CLEC4F: variants seen among roughly 807,000 people sequenced by gnomAD.
The protein encoded by CLEC4F is C-type lectin domain family 4 member F, also known as C-type (calcium dependent, carbohydrate-recognition domain) lectin, superfamily member 13.
In CLEC4F, 45 loss-of-function variants were observed where a neutral mutation model predicts 53.4. That is an observed-to-expected ratio of 0.84 (90% CI 0.66 to 1.08). The LOEUF is 1.08. Among genes scored for constraint, CLEC4F ranks in the 50% least tolerant of loss-of-function variants. The pLI is 0.00. For missense variants in CLEC4F, 753 were observed against 698.2 expected (o/e 1.08, Z -0.88); for synonymous variants, 245 against 257.5 (o/e 0.95, Z 0.46).
At chr2:70,817,706 C>T (rs1239911810) in intron 3 of CLEC4F, among the ~76,000 whole-genome samples, 3 of 152,064 alleles carry the variant, frequency 2.0e-5, no homozygotes, top group Admixed American at 2.0e-4. Context: ...AATAGGTGTG[C>T]TGGGAGGAAG....
chr2:70,816,807 C>T lies in CLEC4F; in HGVS notation c.574G>A (p.Ala192Thr). 6.2e-7 allele frequency: 1 copy of T among 1,614,182 alleles called. No homozygotes were observed. The highest frequency in any genetic ancestry group is 8.5e-7 in the Non-Finnish European group (1 of 1,180,038). ...RLKEDLEKAD[A>T]LTFQTLNFLK... The stretch of plus-strand genomic sequence containing the variant: ...AAATTCAGCGTCTGGAAAGTTAAAG[C>T]ATCTGCCTTTTCAAGGTCTTCCTTG... Residue 192 changes from alanine (A) to threonine (T), a missense_variant, in exon 4 of 7, where the codon GCT becomes ACT. Physicochemically the swap from Ala to Thr is moderately conservative, Grantham distance 58. Coordinates refer to ENST00000272367, the MANE Select transcript of CLEC4F (RefSeq NM_173535.3).
At chr2:70,809,939 T>A in intron 5 of CLEC4F, 82 bp from the exon 6 acceptor site, 1 of 829,548 alleles carries the variant, frequency 1.2e-6, no homozygotes, top group East Asian at 2.4e-5. Flanking sequence ...TGCTTATAGA[T>A]ATACACATAA....
Position 70,816,622 on chromosome 2 carries a change from C to G in CLEC4F, c.759G>C (p.Glu253Asp). The part of the protein sequence containing the change: ...ANSSLKNANA[E>D]IYVLRGHLDS... ...CTAGATGGCCTCTCAAAACATAGAT[C>G]TCAGCATTAGCGTTCTTTAAACTGC... Residue 253 changes from glutamate to aspartate, a missense_variant, in exon 4 of 7, where the codon GAG (glutamate) becomes GAC (aspartate). Physicochemically the swap from Glu to Asp is conservative, Grantham distance 45. Coordinates refer to ENST00000272367, the MANE Select transcript of CLEC4F (RefSeq NM_173535.3). 4 of 1,614,102 alleles carry G rather than the reference C, an allele frequency of 2.5e-6. No individual in the cohort carries two copies. The highest frequency in any genetic ancestry group is 3.4e-6 in the Non-Finnish European group (4 of 1,180,036).
At chr2:70,819,500 T>A in intron 2 of CLEC4F, 56 bp from the exon 3 acceptor site, 1 of 1,497,610 alleles carries the variant, frequency 6.7e-7, no homozygotes, top group Non-Finnish European at 9.3e-7. Flanking sequence ...CCTGGGAGGA[T>A]ACGCTGTCCC....
At chr2:70,824,801 G>A (rs142391589), upstream of CLEC4F, among the ~76,000 whole-genome samples, 549 of 152,250 alleles carry the variant, frequency 3.6e-3, 4 homozygotes, top group African/African-American at 0.013. Context: ...AGTCCATACT[G>A]ACATAAATGA....
At position 70,809,195 on chromosome 2, in the gene CLEC4F, C is replaced by A. The variant is rs1553393443; in HGVS notation, c.*76G>T. 6.4e-7 allele frequency: 1 copy of A among 1,572,992 alleles called. No individual in the cohort carries two copies. The highest frequency in any genetic ancestry group is 2.3e-5 in the East Asian group (1 of 43,360). On this transcript the variant is annotated 3_prime_UTR_variant, in exon 7 of 7. Coordinates refer to ENST00000272367, the MANE Select transcript of CLEC4F (RefSeq NM_173535.3). ...GGGAGCTGACTTGAGATGGGTCCTT[C>A]ATCCCCTAGTGGCCCTAGGATGAGG...
In CLEC4F at chr2:70,816,617, T is replaced by C. The variant is rs1553396111; in HGVS notation, c.764A>G (p.Tyr255Cys). The C allele has an allele frequency of 1.9e-6, 3 of 1,614,058 alleles. No individual in the cohort carries two copies. Among genetic ancestry groups the C allele is most frequent in the South Asian group, 1.1e-5 (1 of 91,084 alleles). Residue 255 changes from tyrosine (Y) to cysteine (C), a missense_variant, in exon 4 of 7, where the codon TAT becomes TGT. Transcript: ENST00000272367. ...SSLKNANAEI[Y>C]VLRGHLDSVN... ...ACTATCTAGATGGCCTCTCAAAACA[T>C]AGATCTCAGCATTAGCGTTCTTTAA...
At position 70,809,351 on chromosome 2, in the gene CLEC4F, T is replaced by G; in HGVS notation, c.1690A>C (p.Lys564Gln). The change falls in exon 7 of 7, where the codon AAG becomes CAG. Residue 564 changes from lysine to glutamine, a missense_variant. Coordinates refer to ENST00000272367, the MANE Select transcript of CLEC4F (RefSeq NM_173535.3). ...ATCCCAGAATTCACAATAATATACT[T>G]TCTGAGTGGGCAGGATCCCTTGGAA... The part of the protein sequence containing the change: ...PGSKGSCPLR[K>Q]YIIVNSGMGA... The G allele has an allele frequency of 6.2e-7, 1 of 1,612,736 alleles. No individual in the cohort carries two copies. The highest frequency in any genetic ancestry group is 8.5e-7 in the Non-Finnish European group (1 of 1,179,550).
intron 5 of CLEC4F, 61 bp from the exon 6 acceptor site, chr2:70,809,918 C>G: frequency 1.0e-6 from 1 of 998,172 alleles, no homozygotes; most frequent in Non-Finnish European, 1.6e-6. Context: ...TTCCAGGCCA[C>G]CTGGAGAACC....
At position 70,813,618 on chromosome 2, in the gene CLEC4F, T is replaced by TCTTTCTTTCTTTCTTC. The variant is rs1553395007; in HGVS notation, c.1388-1021_1388-1020insGAAGAAAGAAAGAAAG. ...CTTTCTCTTTCTTTCTTTCTTTCTT[T>TCTTTCTTTCTTTCTTC]CTTTCTTTCTTTCTTTCTTTCTTTC... On this transcript the variant is annotated intron_variant, in intron 4 of 6. Coordinates refer to ENST00000272367, the MANE Select transcript of CLEC4F (RefSeq NM_173535.3). Among the ~76,000 whole-genome samples the TCTTTCTTTCTTTCTTC allele has an allele frequency of 5.9e-3, 876 of 147,882 alleles. 20 individuals are homozygous for TCTTTCTTTCTTTCTTC. Among genetic ancestry groups the TCTTTCTTTCTTTCTTC allele is most frequent in the African/African-American group, 0.021 (838 of 39,442 alleles).
intron 4 of CLEC4F, among the ~76,000 whole-genome samples, chr2:70,813,687 CT>C (rs1359308296): frequency 7.2e-6 from 1 of 139,132 alleles, no homozygotes; most frequent in Non-Finnish European, 1.6e-5. Context: ...TCCTTTCTTT[CT>C]TTTTTTGAGA....
chr2:70,821,660 T>A (rs1480861769), upstream of CLEC4F, among the ~76,000 whole-genome samples: 1 of 152,198 alleles, frequency 6.6e-6, no homozygotes, highest in Non-Finnish European at 1.5e-5. Context: ...GTACAGTGTT[T>A]TTCTGAGTTC....
At chr2:70,810,915 C>T in intron 5 of CLEC4F, 1 of 536,784 alleles carries the variant, frequency 1.9e-6, no homozygotes, top group Non-Finnish European at 3.6e-6. Flanking sequence ...ACCAATGGCA[C>T]AAAAATGTTT....
chr2:70,822,893 C>T (rs1318197264), upstream of CLEC4F, among the ~76,000 whole-genome samples: 1 of 152,202 alleles, frequency 6.6e-6, no homozygotes, highest in South Asian at 2.1e-4. Flanking sequence ...CTTATAGGTC[C>T]CCAGCTGCCA....
chr2:70,810,643 T>TAAAAAAA (rs1676503122), intron 5 of CLEC4F, among the ~76,000 whole-genome samples: 19 of 98,706 alleles, frequency 1.9e-4, no homozygotes, highest in Admixed American at 4.2e-4. Context: ...AAAAAAAAAG[T>TAAAAAAA]ATTTCCCATT....
chr2:70,824,795 C>T (rs1039928376), upstream of CLEC4F, among the ~76,000 whole-genome samples: 1 of 152,028 alleles, frequency 6.6e-6, no homozygotes, highest in Non-Finnish European at 1.5e-5. Flanking sequence ...TCTGTGAGTC[C>T]ATACTGACAT....
chr2:70,815,855 C>T (rs1676867200), intron 4 of CLEC4F, 139 bp downstream of exon 4: 1 of 922,238 alleles, frequency 1.1e-6, no homozygotes, highest in East Asian at 2.5e-5. Context: ...TCTACAACTG[C>T]CCAGTTTCCT....
intron 4 of CLEC4F, among the ~76,000 whole-genome samples, chr2:70,813,684 T>C (rs782693387): frequency 1.1e-4 from 16 of 151,532 alleles, no homozygotes; most frequent in South Asian, 2.1e-4. Flanking sequence ...TCTTCCTTTC[T>C]TTCTTTTTTT....
chr2:70,813,606 T>TCTTTCTTC (rs1676715995), intron 4 of CLEC4F, among the ~76,000 whole-genome samples: 1 of 134,554 alleles, frequency 7.4e-6, no homozygotes, highest in African/African-American at 3.3e-5. Flanking sequence ...TCTCTTTCTT[T>TCTTTCTTC]CTTTCTTTCT....
Sources: gnomAD v4.1 joint callset for allele counts (sites outside exome capture counted in the v4.1 genomes callset) on GRCh38, gnomAD v4.1.1 for gene constraint, MANE v1.5 for transcripts, NCBI Gene and HGNC (gene_info 2026-07-23, HGNC 2026-07-21) for gene names.